The following GRIK1 variants were observed in gnomAD, a reference collection of about 807,000 sequenced individuals.
GRIK1 encodes glutamate receptor ionotropic, kainate 1.
Under a neutral mutation model 105.7 loss-of-function variants are expected in GRIK1, and 69 were observed. The ratio of observed to expected loss-of-function variants is 0.65; its 90% CI spans 0.54 to 0.80. The LOEUF (loss-of-function observed/expected upper bound fraction) is 0.80. GRIK1 is among the 30% of genes least tolerant of loss of function. The pLI is 0.00. For synonymous variants in GRIK1, 438 were observed against 431.3 expected, an observed-to-expected ratio of 1.02 and a Z score of -0.19; for missense variants, 1,109 against 1,167.3, an observed-to-expected ratio of 0.95 and a Z score of 0.73.
chr21:29,738,031 G>A (rs1424128187), intron 1 of GRIK1, among the ~76,000 whole-genome samples: 1 of 152,192 alleles, frequency 6.6e-6, no homozygotes, highest in Admixed American at 6.5e-5. Context: ...TACCAGAGTG[G>A]ATTATTTAGA....
At chr21:29,577,308 A>C (rs1440654579) in intron 13 of GRIK1, 127 bp from the exon 14 acceptor site, 1 of 568,612 alleles carries the variant, frequency 1.8e-6, no homozygotes, top group Non-Finnish European at 3.1e-6. Context: ...AGATGAAATA[A>C]ATGCATTTTA....
intron 5 of GRIK1, among the ~76,000 whole-genome samples, 160 bp from the exon 6 acceptor site, chr21:29,651,451 A>C (rs1198651907): frequency 6.6e-6 from 1 of 152,200 alleles, no homozygotes; most frequent in Non-Finnish European, 1.5e-5. Context: ...CCACAGTTGG[A>C]ACATGTTAAA....
intron 16 of GRIK1, among the ~76,000 whole-genome samples, chr21:29,553,884 G>A (rs1037372690): frequency 6.6e-6 from 1 of 152,052 alleles, no homozygotes; most frequent in Admixed American, 6.5e-5. Context: ...CACCTCAAGA[G>A]CAAATTGAAA....
chr21:29,907,157 T>C (rs2070672816), intron 1 of GRIK1, among the ~76,000 whole-genome samples: 1 of 152,018 alleles, frequency 6.6e-6, no homozygotes, highest in Admixed American at 6.6e-5. Context: ...GTTTTTGTTT[T>C]TCTACTCTTA....
At chr21:29,595,618 T>C (rs768900220) in intron 9 of GRIK1, among the ~76,000 whole-genome samples, 3 of 152,122 alleles carry the variant, frequency 2.0e-5, no homozygotes, top group Non-Finnish European at 4.4e-5. Context: ...AAGATGAAAG[T>C]GAACCTGACA....
rs2089889453 is a variant in GRIK1, at chr21:29,536,980, C to A, written c.*250G>T. 3.9e-6 allele frequency: 1 copy of A among 253,894 alleles called. No homozygotes were observed. The highest frequency in any genetic ancestry group is 7.4e-6 in the Non-Finnish European group (1 of 134,984). The allele number at this position is 253,894 out of a possible 1,614,324, so 15.7% of individuals were successfully genotyped here. A position where few individuals can be genotyped will look rare whatever the true frequency, so the allele number is the denominator to read the frequency against. ...TTTATTATTATTTAGAAAGCACACA[C>A]AACAATTTATTGGGGAAAAAGAAAA... On this transcript the variant is annotated 3_prime_UTR_variant, in exon 18 of 18. Coordinates refer to ENST00000327783, the MANE Select transcript of GRIK1 (RefSeq NM_001330994.2).
chr21:29,795,027 AATTT>A (rs1425276334), intron 1 of GRIK1, among the ~76,000 whole-genome samples: 5 of 82,150 alleles, frequency 6.1e-5, no homozygotes, highest in African/African-American at 1.3e-4. Flanking sequence ...CTTTGCTCTA[AATTT>A]TTTTTTTTTT....
intron 14 of GRIK1, among the ~76,000 whole-genome samples, chr21:29,574,843 A>G (rs1601157737): frequency 6.7e-6 from 1 of 150,258 alleles, no homozygotes; most frequent in Non-Finnish European, 1.5e-5. Flanking sequence ...GCCCGCCATC[A>G]CGCCCGGCTA....
rs1601112863 is a variant in GRIK1 at position 29,560,400 on chromosome 21, C to CTTTCTTTCTTT, written c.2356+1223_2356+1224insAAAGAAAGAAA. On this transcript the variant is annotated intron_variant, in intron 15 of 17. Coordinates refer to ENST00000327783, the MANE Select transcript of GRIK1 (RefSeq NM_001330994.2). ...TCCTTCCTTCCTTCCTTCCTTCCTT[C>CTTTCTTTCTTT]CTTTCTTTCTTTCTTTCTTTCTTTC... Among the ~76,000 whole-genome samples, 124 of 67,120 alleles carry CTTTCTTTCTTT rather than the reference C, an allele frequency of 1.8e-3. 19 individuals carry two copies. Among genetic ancestry groups the CTTTCTTTCTTT allele is most frequent in the East Asian group, 8.6e-3 (20 of 2,328 alleles). The allele number at this position is 67,120 out of a possible 152,430, so 44.0% of individuals were successfully genotyped here.
chr21:29,675,941 C>G (rs2063257267), intron 3 of GRIK1, among the ~76,000 whole-genome samples: 1 of 152,104 alleles, frequency 6.6e-6, no homozygotes. Context: ...AATTAACTGA[C>G]TAATTAACTA....
At chr21:29,855,378 A>G (rs1475537121) in intron 1 of GRIK1, among the ~76,000 whole-genome samples, 1 of 152,226 alleles carries the variant, frequency 6.6e-6, no homozygotes, top group Non-Finnish European at 1.5e-5. Flanking sequence ...CAAAAATACC[A>G]TCTTTAAAGA....
At chr21:29,929,387 A>C (rs1448460339) in intron 1 of GRIK1, among the ~76,000 whole-genome samples, 1 of 152,222 alleles carries the variant, frequency 6.6e-6, no homozygotes, top group Non-Finnish European at 1.5e-5. Flanking sequence ...GTGAAAAAAA[A>C]CTTTCACCCA....
intron 16 of GRIK1, among the ~76,000 whole-genome samples, chr21:29,552,098 T>G (rs1321817667): frequency 6.6e-6 from 1 of 152,084 alleles, no homozygotes; most frequent in Non-Finnish European, 1.5e-5. Flanking sequence ...ACTGGAGAAA[T>G]ATACAGTTGA....
intron 12 of GRIK1, among the ~76,000 whole-genome samples, chr21:29,586,462 C>G (rs2091132924): frequency 6.6e-6 from 1 of 152,150 alleles, no homozygotes; most frequent in African/African-American, 2.4e-5. Context: ...AAATATTTCT[C>G]TTAGAAATTC....
chr21:29,837,989 TA>T (rs1207118728), intron 1 of GRIK1, among the ~76,000 whole-genome samples: 2 of 152,202 alleles, frequency 1.3e-5, no homozygotes, highest in Admixed American at 6.5e-5. Context: ...TAGGTTTGAT[TA>T]TACACTAAGA....
chr21:29,816,838 G>A (rs564773309), intron 1 of GRIK1, among the ~76,000 whole-genome samples: 21 of 152,212 alleles, frequency 1.4e-4, no homozygotes, highest in Admixed American at 3.3e-4. Context: ...CAAACATACA[G>A]TTGAATAGAA....
chr21:29,541,126 C>A (rs187201869), intron 16 of GRIK1, among the ~76,000 whole-genome samples: 1 of 152,144 alleles, frequency 6.6e-6, no homozygotes, highest in African/African-American at 2.4e-5. Context: ...CGCCACCACA[C>A]GCGGCTAATT....
In GRIK1 at chr21:29,709,846, TTTA is replaced by T. The variant is rs936178551; in HGVS notation, c.119-15786_119-15784del. 1.5e-3 allele frequency among the ~76,000 whole-genome samples: 226 copies of T among 152,088 alleles called. 3 individuals carry two copies. The highest frequency in any genetic ancestry group is 5.0e-3 in the African/African-American group (208 of 41,564). On this transcript the variant is annotated intron_variant, in intron 1 of 17. Transcript: ENST00000327783. ...CATTATGAAATACTTTAATTTCCTC[TTTA>T]TTATTTTGAGTTTTCTCATAATGTA...
intron 1 of GRIK1, among the ~76,000 whole-genome samples, chr21:29,747,294 A>G (rs73354556): frequency 0.02 from 3,119 of 152,300 alleles, 113 homozygotes; most frequent in African/African-American, 0.072. Flanking sequence ...TGGGCATGCC[A>G]TTTATGCATG....
Sources: gnomAD v4.1 joint callset for allele counts (sites outside exome capture counted in the v4.1 genomes callset) on GRCh38, gnomAD v4.1.1 for gene constraint, MANE v1.5 for transcripts, NCBI Gene and HGNC (gene_info 2026-07-23, HGNC 2026-07-21) for gene names.